The following PTGR1 variants were observed in gnomAD, a reference collection of about 807,000 sequenced individuals.
PTGR1 encodes prostaglandin reductase 1.
PTGR1 carries 23 observed loss-of-function variants against 37.7 expected under a neutral mutation model. The observed-to-expected ratio is 0.61, with a 90% CI of 0.44 to 0.86. The LOEUF is 0.86. Ranked by LOEUF, PTGR1 falls within the 40% of genes least tolerant of loss-of-function variation. The pLI, the probability that PTGR1 is intolerant of heterozygous loss-of-function variation, is 0.00. For missense variants in PTGR1, 351 were observed against 394.3 expected (o/e 0.89, Z 0.93); for synonymous variants, 134 against 140.0 (o/e 0.96, Z 0.30).
At chr9:111,580,967 T>G (rs898968435) in intron 6 of PTGR1, among the ~76,000 whole-genome samples, 1 of 152,196 alleles carries the variant, frequency 6.6e-6, no homozygotes, top group African/African-American at 2.4e-5. Context: ...TTCCTTAGCA[T>G]GGCAGTCTCC....
At chr9:111,587,159 C>T (rs1225807828) in intron 4 of PTGR1, among the ~76,000 whole-genome samples, 3 of 152,032 alleles carry the variant, frequency 2.0e-5, no homozygotes, top group Admixed American at 1.3e-4. Flanking sequence ...AAAAGTCTTC[C>T]CTCATTGGTT....
At chr9:111,588,013 T>TTTC (rs1829490590) in intron 4 of PTGR1, among the ~76,000 whole-genome samples, 1 of 145,168 alleles carries the variant, frequency 6.9e-6, no homozygotes, top group Non-Finnish European at 1.5e-5. Flanking sequence ...GATTATTATT[T>TTTC]TTTCTTTTTT....
intron 7 of PTGR1, chr9:111,577,407 C>T (rs764137410): frequency 6.6e-6 from 1 of 152,132 alleles, no homozygotes; most frequent in Non-Finnish European, 1.5e-5. Context: ...TTTGACAGCT[C>T]CTCAAAATGT....
chr9:111,598,906 C>T (rs1475076043), intron 1 of PTGR1, among the ~76,000 whole-genome samples: 1 of 152,220 alleles, frequency 6.6e-6, no homozygotes, highest in African/African-American at 2.4e-5. Context: ...CTACTCCTCT[C>T]GTCTCTGAAC....
intron 6 of PTGR1, 90 bp downstream of exon 6, chr9:111,583,382 C>G: frequency 9.1e-7 from 1 of 1,095,068 alleles, no homozygotes; most frequent in East Asian, 2.4e-5. Flanking sequence ...AGACTATAAA[C>G]TCCCTGAGGC....
At chr9:111,566,724 T>C (rs1368760968) in intron 9 of PTGR1, among the ~76,000 whole-genome samples, 2 of 152,306 alleles carry the variant, frequency 1.3e-5, no homozygotes, top group Non-Finnish European at 2.9e-5. Context: ...TCATATACTA[T>C]TCTGGGGGCT....
chr9:111,560,847 G>A (rs1287342255), downstream of PTGR1, among the ~76,000 whole-genome samples: 6 of 147,796 alleles, frequency 4.1e-5, no homozygotes, highest in Non-Finnish European at 7.4e-5. Context: ...GGGGGCTGAG[G>A]CAGGAGAATC....
intron 3 of PTGR1, 143 bp from the exon 4 acceptor site, chr9:111,593,125 C>A: frequency 7.5e-7 from 1 of 1,329,688 alleles, no homozygotes; most frequent in Admixed American, 2.9e-5. Flanking sequence ...GGCAATAAAA[C>A]CCAGACAGAT....
intron 9 of PTGR1, among the ~76,000 whole-genome samples, chr9:111,551,400 G>GTTTTTTTTT (rs58638722): frequency 1.3e-4 from 10 of 74,438 alleles, no homozygotes; most frequent in East Asian, 4.5e-4. Flanking sequence ...TCCAGTTTTT[G>GTTTTTTTTT]TTTTTTTTTT....
At chr9:111,592,626 G>T in intron 4 of PTGR1, 1 of 261,968 alleles carries the variant, frequency 3.8e-6, no homozygotes, top group Non-Finnish European at 7.1e-6. Context: ...GAACCCTGTT[G>T]CATTGTGGGC....
intron 9 of PTGR1, among the ~76,000 whole-genome samples, chr9:111,550,808 T>C (rs921022457): frequency 6.6e-6 from 1 of 152,234 alleles, no homozygotes; most frequent in African/African-American, 2.4e-5. Flanking sequence ...TTTTTTCTAA[T>C]TGGTTTTGTT....
intron 4 of PTGR1, among the ~76,000 whole-genome samples, chr9:111,587,784 A>G (rs978258984): frequency 6.6e-6 from 1 of 152,254 alleles, no homozygotes; most frequent in South Asian, 2.1e-4. Flanking sequence ...AAGTAATGTT[A>G]TATGTTTTAT....
At chr9:111,561,177 G>A (rs1386072774), downstream of PTGR1, among the ~76,000 whole-genome samples, 14 of 106,374 alleles carry the variant, frequency 1.3e-4, 2 homozygotes, top group East Asian at 3.9e-3. Flanking sequence ...GAGAGAGAGA[G>A]AAAGAGAGAG....
At chr9:111,596,415 G>C (rs1313966546) in intron 2 of PTGR1, among the ~76,000 whole-genome samples, 1 of 151,982 alleles carries the variant, frequency 6.6e-6, no homozygotes, top group East Asian at 1.9e-4. Flanking sequence ...AGGAGTTCAA[G>C]ACCAGCCTGG....
chr9:111,559,655 A>G (rs1589287751), downstream of PTGR1, among the ~76,000 whole-genome samples: 1 of 151,370 alleles, frequency 6.6e-6, no homozygotes, highest in East Asian at 2.0e-4. Flanking sequence ...CAGCACACAC[A>G]CACACAGCTC....
At chr9:111,579,240 T>G (rs540035277) in intron 6 of PTGR1, among the ~76,000 whole-genome samples, 4 of 152,174 alleles carry the variant, frequency 2.6e-5, no homozygotes, top group African/African-American at 7.2e-5. Context: ...TTTGACTTCC[T>G]TGGTTCTTTG....
At chr9:111,553,941 T>G (rs1013675570) in intron 9 of PTGR1, among the ~76,000 whole-genome samples, 1 of 152,206 alleles carries the variant, frequency 6.6e-6, no homozygotes, top group Non-Finnish European at 1.5e-5. Flanking sequence ...TTTGTAGTCA[T>G]GCTGTGTGGA....
rs896628084 is a variant in PTGR1, at chr9:111,597,362, C to A, written c.61G>T (p.Asp21Tyr). 1.2e-6 allele frequency: 2 copies of A among 1,613,506 alleles called. No individual in the cohort carries two copies. Among genetic ancestry groups the A allele is most frequent in the Admixed American group, 1.7e-5 (1 of 59,948 alleles). Residue 21 changes from aspartate to tyrosine, a missense_variant, in exon 2 of 10, where the codon GAC becomes TAC. Transcript: ENST00000407693. The part of the protein sequence containing the change: ...KHFVGYPTNS[D>Y]FELKTAELPP... ...AGCTCAGCTGTCTTCAACTCAAAGTCACTATTAGTAGGATAGCCAACAAAG... is the reference window on the plus strand; with the variant it reads ...AGCTCAGCTGTCTTCAACTCAAAGTAACTATTAGTAGGATAGCCAACAAAG...
intron 4 of PTGR1, among the ~76,000 whole-genome samples, chr9:111,586,811 A>C (rs532445243): frequency 3.3e-4 from 49 of 147,616 alleles, no homozygotes; most frequent in East Asian, 2.0e-3. Flanking sequence ...CTCTATATAT[A>C]TATATATATG....
Sources: allele counts gnomAD v4.1 joint callset (sites outside exome capture counted in the v4.1 genomes callset), GRCh38; gene constraint gnomAD v4.1.1; transcripts MANE v1.5; gene names NCBI Gene and HGNC (gene_info 2026-07-23, HGNC 2026-07-21).